Variants in PHKA2 observed in about 807,000 individuals in gnomAD.
PHKA2 encodes the protein phosphorylase kinase regulatory subunit alpha 2.
A neutral mutation model predicts 102.0 loss-of-function variants in PHKA2; 31 were observed. The ratio of observed to expected loss-of-function variants is 0.30; its 90% CI spans 0.23 to 0.41. PHKA2 has a LOEUF of 0.41. PHKA2 is among the 10% of genes least tolerant of loss of function. The pLI, the probability that PHKA2 is intolerant of heterozygous loss-of-function variation, is 1.00. For missense variants in PHKA2, 858 were observed against 1,023.1 expected, an observed-to-expected ratio of 0.84 and a Z score of 2.20; for synonymous variants, 455 against 416.2, an observed-to-expected ratio of 1.09 and a Z score of -1.13.
At chrX:18,956,051 C>T (rs1394252907) in intron 1 of PHKA2, among the ~76,000 whole-genome samples, 4 of 112,132 alleles carry the variant, frequency 3.6e-5, no homozygotes, top group Non-Finnish European at 5.6e-5. Context: ...TGGCTGGGTA[C>T]GGTGGCTCAC....
intron 8 of PHKA2, 138 bp downstream of exon 8, chrX:18,941,391 C>A: frequency 3.3e-6 from 2 of 602,648 alleles, no homozygotes; most frequent in Non-Finnish European, 5.6e-6. Context: ...GTTTTCTTGC[C>A]TGTAGACTCA....
intron 32 of PHKA2, 54 bp from the exon 33 acceptor site, chrX:18,893,709 C>G: frequency 9.1e-7 from 1 of 1,102,444 alleles, no homozygotes; most frequent in Admixed American, 2.2e-5. Flanking sequence ...CTCCCCGTCA[C>G]GCTTCTGCGT....
chrX:18,924,443 C>T lies in PHKA2; in HGVS notation c.1652G>A (p.Cys551Tyr). Residue 551 changes from cysteine (C) to tyrosine (Y), a missense_variant, in exon 16 of 33, where the codon TGC becomes TAC. By Grantham distance (194) the Cys-to-Tyr change is radical (BLOSUM62 -2). This residue lies in a region of PHKA2 where 671 missense variants were observed against 745.2 expected (regional missense o/e 0.90). Coordinates refer to ENST00000379942, the MANE Select transcript of PHKA2 (RefSeq NM_000292.3). ...EMLRIELAYL[C>Y]TCWRMTGRPT... ...TCTGCCCGTCATCCTCCAGCAGGTG[C>T]ACAGGTAGGCCAGCTCGATCCTTAG... is the stretch of plus-strand genomic sequence containing the variant. 8.3e-7 allele frequency: 1 copy of T among 1,209,536 alleles called. No individual in the cohort carries two copies. Among genetic ancestry groups the T allele is most frequent in the Admixed American group, 2.2e-5 (1 of 45,993 alleles).
intron 30 of PHKA2, chrX:18,895,444 T>G (rs1384659626): frequency 4.9e-6 from 2 of 406,434 alleles, no homozygotes. Context: ...CCTAGGGGGC[T>G]GCCGAGTCCT....
rs1569287959 is a variant in PHKA2, at chrX:18,895,198, G to A, written c.3283-7C>T. On this transcript the variant is annotated splice_polypyrimidine_tract_variant and splice_region_variant and intron_variant, in intron 30 of 32. Transcript: ENST00000379942. ...CGATGGAGAGACCGTGGCACTGGAG[G>A]CAGAATAGAGCGCATTTCAGTCAGA... 8.3e-7 allele frequency: 1 copy of A among 1,207,010 alleles called. No homozygotes were observed. Among genetic ancestry groups the A allele is most frequent in the Non-Finnish European group, 1.1e-6 (1 of 891,105 alleles).
At position 18,894,240 on chromosome X, in the gene PHKA2, G is replaced by A; in HGVS notation, c.3501C>T (p.Ile1167=). 8.3e-7 allele frequency: 1 copy of A among 1,211,716 alleles called. No individual in the cohort carries two copies. The highest frequency in any genetic ancestry group is 1.1e-6 in the Non-Finnish European group (1 of 895,416). The change falls in exon 32 of 33, where the codon ATC becomes ATT. Residue 1167 remains isoleucine, a synonymous_variant. Coordinates refer to ENST00000379942, the MANE Select transcript of PHKA2 (RefSeq NM_000292.3). ...AGAACAGCTGACTGGCCATCTGCACGATCTGGTCCACGTGGATGATGCCCC... is the reference window on the plus strand; with the variant it reads ...AGAACAGCTGACTGGCCATCTGCACAATCTGGTCCACGTGGATGATGCCCC... ...SIGGIIHVDQ[I]VQMASQLFLQ...
In PHKA2 at chrX:18,940,082, G is replaced by A. The variant is rs191481881; in HGVS notation, c.865-34C>T. 7.3e-6 allele frequency: 8 copies of A among 1,101,441 alleles called. No homozygotes were observed. The East Asian group carries it at 1.8e-4, about 25-fold the overall frequency. The allele number at this position is 1,101,441 out of a possible 1,213,427, so 90.8% of individuals were successfully genotyped here. ...AGAAAGTACATTCGATGAGCTCAGA[G>A]AAATTTTTTTGCCTTTTTAATTCAA... On this transcript the variant is annotated intron_variant, in intron 8 of 32. Transcript: ENST00000379942.
At chrX:18,914,203 C>A (rs2047979825) in intron 19 of PHKA2, among the ~76,000 whole-genome samples, 1 of 112,310 alleles carries the variant, frequency 8.9e-6, no homozygotes, top group Non-Finnish European at 1.9e-5. Flanking sequence ...AAGGTTTCAG[C>A]TCCATTATAA....
chrX:18,926,725 G>C, intron 13 of PHKA2, 138 bp from the exon 14 acceptor site: 1 of 617,282 alleles, frequency 1.6e-6, no homozygotes, highest in Non-Finnish European at 2.7e-6. Context: ...CTTTGGAAAT[G>C]ACAGTGTTCG....
chrX:18,966,401 T>C (rs1017851217), intron 1 of PHKA2, among the ~76,000 whole-genome samples: 2 of 111,288 alleles, frequency 1.8e-5, no homozygotes, highest in Non-Finnish European at 1.9e-5. Flanking sequence ...CCGTTGGGGT[T>C]CTTTAACTGT....
chrX:18,951,108 G>A lies in PHKA2; in HGVS notation c.450C>T (p.Ala150=). The change falls in exon 4 of 33, where the codon GCC becomes GCT. Residue 150 remains alanine (A), a synonymous_variant. Coordinates refer to ENST00000379942, the MANE Select transcript of PHKA2 (RefSeq NM_000292.3). ...LFLLFLAQMT[A]SGLRIIFTLD... ...GCTCCAGCAACCCCAGCTCACCTGA[G>A]GCGGTCATCTGGGCCAGGAACAGGA... is the stretch of plus-strand genomic sequence containing the variant. 1 of 1,211,358 alleles carries A rather than the reference G, an allele frequency of 8.3e-7. No homozygotes were observed. Among genetic ancestry groups the A allele is most frequent in the Non-Finnish European group, 1.1e-6 (1 of 894,935 alleles).
At chrX:18,931,192 G>C (rs748453986) in intron 12 of PHKA2, among the ~76,000 whole-genome samples, 2 of 112,582 alleles carry the variant, frequency 1.8e-5, no homozygotes, top group South Asian at 7.4e-4. Context: ...AAATTCACCA[G>C]AGAAAATCCG....
chrX:18,893,132 G>A lies in PHKA2; in HGVS notation c.*353C>T, dbSNP rs988745890. The A allele has an allele frequency of 3.5e-6, 1 of 287,744 alleles. No individual in the cohort carries two copies. Among genetic ancestry groups the A allele is most frequent in the South Asian group, 4.4e-5 (1 of 22,937 alleles). The allele number at this position is 287,744 out of a possible 1,213,427, so 23.7% of individuals were successfully genotyped here. ...ATCGAAACTATTTCTGTAACTCTCT[G>A]CAAGAGCCAATTTAAGCTGGCGTCT... is the stretch of plus-strand genomic sequence containing the variant. On this transcript the variant is annotated 3_prime_UTR_variant, in exon 33 of 33. Coordinates refer to ENST00000379942, the MANE Select transcript of PHKA2 (RefSeq NM_000292.3).
At chrX:18,943,600 AAAGAAGCAAAGTATCACC>A in intron 7 of PHKA2, 92 bp downstream of exon 7, 1 of 646,732 alleles carries the variant, frequency 1.5e-6, no homozygotes, top group Non-Finnish European at 2.6e-6. Context: ...ACTGAAGCTC[AAAGAAGCAAAGTATCACC>A]AAGCCAGCAA....
chrX:18,970,570 T>G (rs778978175), intron 1 of PHKA2, among the ~76,000 whole-genome samples: 1 of 112,524 alleles, frequency 8.9e-6, no homozygotes, highest in Non-Finnish European at 1.9e-5. Context: ...AGATTGTTTC[T>G]AATTTTCCTC....
intron 13 of PHKA2, 102 bp downstream of exon 13, chrX:18,929,124 CAT>C (rs2048267825): frequency 8.7e-6 from 5 of 575,293 alleles, no homozygotes; most frequent in Non-Finnish European, 1.5e-5. Context: ...AGCATAGGCA[CAT>C]ACACACTTTA....
Position 18,906,802 on chromosome X carries a change from T to C in PHKA2, c.2610A>G (p.Pro870=). The change falls in exon 24 of 33, where the codon CCA becomes CCG. Residue 870 remains proline, a synonymous_variant. Transcript: ENST00000379942. The part of the protein sequence containing the change: ...REKIISAPLP[P]EELTKLIYEA... ...CGTAGATGAGTTTTGTGAGCTCCTC[T>C]GGGGGAAGGGGCCTAGAAAGGAGCA... 8.3e-7 allele frequency: 1 copy of C among 1,209,423 alleles called. No individual in the cohort carries two copies. Among genetic ancestry groups the C allele is most frequent in the Non-Finnish European group, 1.1e-6 (1 of 893,051 alleles).
intron 1 of PHKA2, among the ~76,000 whole-genome samples, chrX:18,962,528 T>G (rs923918071): frequency 1.8e-4 from 20 of 111,575 alleles, no homozygotes; most frequent in Non-Finnish European, 3.6e-4. Flanking sequence ...AAACAGAGCT[T>G]CTTCTCTCTG....
rs1431314868 is a variant in PHKA2 at position 18,945,162 on chromosome X, G to A, written c.538-4C>T. On this transcript the variant is annotated splice_region_variant and splice_polypyrimidine_tract_variant and intron_variant, in intron 5 of 32. Coordinates refer to ENST00000379942, the MANE Select transcript of PHKA2 (RefSeq NM_000292.3). ...CACGCTCCCACATTCCATAATCCTG[G>A]GGGAGAAAAAGGTGGGAATCAGAGG... The A allele has an allele frequency of 2.6e-6, 3 of 1,166,082 alleles. No individual in the cohort carries two copies. Among genetic ancestry groups the A allele is most frequent in the Non-Finnish European group, 3.5e-6 (3 of 854,072 alleles).
Sources: gnomAD v4.1 joint callset for allele counts (sites outside exome capture counted in the v4.1 genomes callset) on GRCh38, gnomAD v4.1.1 for gene constraint, gnomAD v4.1.1 regional missense constraint, MANE v1.5 for transcripts, NCBI Gene and HGNC (gene_info 2026-07-23, HGNC 2026-07-21) for gene names.